The following PDE1A variants were observed in gnomAD, a reference collection of about 807,000 sequenced individuals.
PDE1A encodes the protein dual specificity calcium/calmodulin-dependent 3',5'-cyclic nucleotide phosphodiesterase 1A.
PDE1A carries 35 observed loss-of-function variants against 61.7 expected under a neutral mutation model. The ratio of observed to expected loss-of-function variants is 0.57; its 90% CI spans 0.43 to 0.75. PDE1A has a LOEUF of 0.75. Ranked by LOEUF, PDE1A falls within the 30% of genes least tolerant of loss-of-function variation. PDE1A has a pLI of 0.00. For missense variants in PDE1A, 597 were observed against 630.6 expected (o/e 0.95, Z 0.57); for synonymous variants, 232 against 213.2 (o/e 1.09, Z -0.77).
intron 1 of PDE1A, among the ~76,000 whole-genome samples, chr2:182,379,232 A>G (rs1366079003): frequency 6.6e-6 from 1 of 152,254 alleles, no homozygotes; most frequent in African/African-American, 2.4e-5. Flanking sequence ...GAATAACAAC[A>G]TAATTACAAT....
At chr2:182,423,947 CTTT>C (rs562590310) in intron 1 of PDE1A, among the ~76,000 whole-genome samples, 6 of 134,278 alleles carry the variant, frequency 4.5e-5, no homozygotes, top group Non-Finnish European at 4.8e-5. Flanking sequence ...CTGGATTAAC[CTTT>C]TTTTTTTTTT....
At chr2:182,279,951 G>A (rs1001272074) in intron 1 of PDE1A, among the ~76,000 whole-genome samples, 3 of 151,718 alleles carry the variant, frequency 2.0e-5, no homozygotes, top group Non-Finnish European at 4.4e-5. Flanking sequence ...TTGGCCTCCT[G>A]TTACGGTGAA....
At chr2:182,221,977 T>C (rs559419692) in intron 7 of PDE1A, among the ~76,000 whole-genome samples, 50 of 152,130 alleles carry the variant, frequency 3.3e-4, no homozygotes, top group East Asian at 9.7e-4. Flanking sequence ...AATATTTTAA[T>C]AAACTGTTTC....
chr2:182,313,479 T>C (rs833119), intron 1 of PDE1A, among the ~76,000 whole-genome samples: 36,227 of 152,098 alleles, frequency 0.24, 4,601 homozygotes, highest in Middle Eastern at 0.4. Context: ...AATAACAGTT[T>C]TAATCCTTTC....
chr2:182,439,986 G>A (rs1474014406), intron 2 of PDE1A, among the ~76,000 whole-genome samples: 2 of 152,034 alleles, frequency 1.3e-5, no homozygotes, highest in Non-Finnish European at 2.9e-5. Flanking sequence ...CAAAAGAAAA[G>A]TTGCCCTAAT....
chr2:182,448,480 T>G (rs6740889), intron 2 of PDE1A, among the ~76,000 whole-genome samples: 71,813 of 151,804 alleles, frequency 0.47, 17,262 homozygotes, highest in East Asian at 0.66. Flanking sequence ...TATGCGATGT[T>G]TTAGAACCCA....
chr2:182,381,956 T>A (rs1021126881), intron 1 of PDE1A, among the ~76,000 whole-genome samples: 16 of 152,054 alleles, frequency 1.1e-4, no homozygotes, highest in African/African-American at 3.6e-4. Flanking sequence ...TTTTCACTAA[T>A]CCCTAAATTA....
chr2:182,261,542 T>C (rs1228159293), intron 2 of PDE1A, among the ~76,000 whole-genome samples: 1 of 152,112 alleles, frequency 6.6e-6, no homozygotes. Context: ...TGTTAAAAGA[T>C]GGAATGTTTT....
chr2:182,262,431 A>G (rs559045949), intron 2 of PDE1A, among the ~76,000 whole-genome samples: 1 of 152,070 alleles, frequency 6.6e-6, no homozygotes, highest in South Asian at 2.1e-4. Context: ...ATGCCTGGCT[A>G]ATTTTTGTGT....
intron 2 of PDE1A, among the ~76,000 whole-genome samples, chr2:182,245,044 T>A (rs1349762048): frequency 1.3e-5 from 2 of 152,206 alleles, no homozygotes; most frequent in Admixed American, 1.3e-4. Flanking sequence ...GGGGGAAGCC[T>A]CCAAAGCCAG....
At chr2:182,395,386 G>C (rs1302451646) in intron 1 of PDE1A, among the ~76,000 whole-genome samples, 1 of 152,164 alleles carries the variant, frequency 6.6e-6, no homozygotes, top group Non-Finnish European at 1.5e-5. Context: ...GCAAACACTG[G>C]ACTTATTGGT....
At chr2:182,279,571 C>G (rs1024010682) in intron 1 of PDE1A, among the ~76,000 whole-genome samples, 20 of 151,916 alleles carry the variant, frequency 1.3e-4, no homozygotes, top group African/African-American at 4.8e-4. Context: ...TACATATCTT[C>G]AGGAAAATAT....
chr2:182,576,131 T>C, the PDE1A span, among the ~76,000 whole-genome samples: 3 of 151,954 alleles, frequency 2.0e-5, no homozygotes, highest in Non-Finnish European at 2.9e-5. Flanking sequence ...AAATTCAAAT[T>C]GTCATATAAT....
At chr2:182,382,501 C>T (rs556195627) in intron 1 of PDE1A, among the ~76,000 whole-genome samples, 1 of 152,260 alleles carries the variant, frequency 6.6e-6, no homozygotes, top group South Asian at 2.1e-4. Context: ...CAGATAAGAG[C>T]CCAGACTAGC....
chr2:182,635,753 T>G, the PDE1A span, among the ~76,000 whole-genome samples: 2 of 150,926 alleles, frequency 1.3e-5, no homozygotes, highest in Admixed American at 6.6e-5. Flanking sequence ...ATATGGGAGG[T>G]GAGTTTTTTT....
At chr2:182,306,553 T>A (rs373857033) in intron 1 of PDE1A, among the ~76,000 whole-genome samples, 11 of 151,902 alleles carry the variant, frequency 7.2e-5, no homozygotes, top group African/African-American at 2.7e-4. Context: ...CCATACTACC[T>A]GATTCCAAAC....
intron 13 of PDE1A, among the ~76,000 whole-genome samples, chr2:182,176,787 G>A (rs943060895): frequency 7.3e-5 from 11 of 150,372 alleles, no homozygotes; most frequent in African/African-American, 2.7e-4. Flanking sequence ...AATGCTTCCA[G>A]TTTTTGCCCA....
At chr2:182,471,509 T>A (rs150989610) in intron 2 of PDE1A, among the ~76,000 whole-genome samples, 1,879 of 151,844 alleles carry the variant, frequency 0.012, 25 homozygotes, top group South Asian at 0.042. Context: ...GAAGGTAAGG[T>A]AAAAGTTTTC....
chr2:182,632,847 A>G, the PDE1A span, among the ~76,000 whole-genome samples: 1 of 152,232 alleles, frequency 6.6e-6, no homozygotes, highest in African/African-American at 2.4e-5. Flanking sequence ...TGTGACCACT[A>G]TAAGGTGGCA....
Sources: allele counts gnomAD v4.1 joint callset (sites outside exome capture counted in the v4.1 genomes callset), GRCh38; gene constraint gnomAD v4.1.1; transcripts MANE v1.5; gene names NCBI Gene and HGNC (gene_info 2026-07-23, HGNC 2026-07-21).